NXN: variants seen among roughly 807,000 people sequenced by gnomAD.
NXN encodes the protein nucleoredoxin 1.
NXN carries 16 observed loss-of-function variants against 48.6 expected under a neutral mutation model. That is an observed-to-expected ratio of 0.33 (90% confidence interval 0.22 to 0.50). The LOEUF (loss-of-function observed/expected upper bound fraction) is 0.50, where lower values mean the gene tolerates loss of function less well. Ranked by LOEUF, NXN falls within the 20% of genes least tolerant of loss-of-function variation. NXN has a pLI of 0.98. For missense variants in NXN, 492 were observed against 605.5 expected, an observed-to-expected ratio of 0.81 and a Z score of 1.97; for synonymous variants, 281 against 269.6, an observed-to-expected ratio of 1.04 and a Z score of -0.41.
At chr17:890,863 A>G (rs2068409087) in intron 1 of NXN, among the ~76,000 whole-genome samples, 1 of 151,454 alleles carries the variant, frequency 6.6e-6, no homozygotes, top group Admixed American at 6.6e-5. Context: ...TATCAGGGGG[A>G]TAGAATTCTT....
chr17:838,123 C>CTTATTTTTTTTTTTTTTTTTTTTT (rs1196301886), intron 1 of NXN, among the ~76,000 whole-genome samples: 2 of 125,932 alleles, frequency 1.6e-5, no homozygotes. Flanking sequence ...TTTTCCTTTC[C>CTTATTTTTTTTTTTTTTTTTTTTT]TTCTTTTTTT....
intron 1 of NXN, among the ~76,000 whole-genome samples, chr17:872,613 CTTTTTTTTTTTTT>C (rs34081114): frequency 1.3e-5 from 1 of 75,418 alleles, no homozygotes; most frequent in Non-Finnish European, 2.4e-5. Flanking sequence ...CGGGTGAGAT[CTTTTTTTTTTTTT>C]TTTTTTTTTT....
chr17:907,405 T>G (rs1163925644), intron 1 of NXN, among the ~76,000 whole-genome samples: 1 of 151,698 alleles, frequency 6.6e-6, no homozygotes, highest in Non-Finnish European at 1.5e-5. Flanking sequence ...ACTGGAGTGA[T>G]CTCAGCTCAC....
chr17:811,895 C>G (rs367625115), intron 5 of NXN, among the ~76,000 whole-genome samples: 1 of 150,158 alleles, frequency 6.7e-6, no homozygotes, highest in Non-Finnish European at 1.5e-5. Context: ...TATAGGACTC[C>G]GGGTTGTGCG....
At chr17:945,229 C>T (rs973548488) in intron 1 of NXN, among the ~76,000 whole-genome samples, 2 of 151,620 alleles carry the variant, frequency 1.3e-5, no homozygotes, top group Non-Finnish European at 2.9e-5. Context: ...CTACAGGCGC[C>T]CGCCACCACG....
chr17:812,430 G>A (rs145593442), intron 5 of NXN, among the ~76,000 whole-genome samples: 20 of 152,316 alleles, frequency 1.3e-4, no homozygotes, highest in African/African-American at 4.6e-4. Flanking sequence ...CAGCGGGAGA[G>A]AAACAAGTGA....
chr17:911,807 T>C (rs1358720604), intron 1 of NXN, among the ~76,000 whole-genome samples: 1 of 151,714 alleles, frequency 6.6e-6, no homozygotes, highest in African/African-American at 2.4e-5. Context: ...GTTTCATAGT[T>C]TTCTCCAACT....
chr17:884,071 G>A (rs1597692556), intron 1 of NXN, among the ~76,000 whole-genome samples: 1 of 151,794 alleles, frequency 6.6e-6, no homozygotes, highest in East Asian at 1.9e-4. Context: ...AATACAAAAA[G>A]TTAGCCGGGC....
At chr17:951,175 T>TAAAAAA in intron 1 of NXN, among the ~76,000 whole-genome samples, 1 of 56,718 alleles carries the variant, frequency 1.8e-5, no homozygotes, top group Non-Finnish European at 3.7e-5. Flanking sequence ...TGTCTCTACT[T>TAAAAAA]AAAAAAAAAA....
intron 5 of NXN, among the ~76,000 whole-genome samples, chr17:809,537 G>A (rs1220109993): frequency 3.3e-5 from 5 of 152,092 alleles, no homozygotes; most frequent in Non-Finnish European, 7.4e-5. Context: ...AGAGAGGAGC[G>A]GGCAGGGCTG....
chr17:914,119 C>T (rs995741941), intron 1 of NXN, among the ~76,000 whole-genome samples: 6 of 152,028 alleles, frequency 3.9e-5, no homozygotes, highest in African/African-American at 9.7e-5. Context: ...AGGCTGCTCT[C>T]GAACTCCCAA....
chr17:947,634 G>A (rs1188756459), intron 1 of NXN, among the ~76,000 whole-genome samples: 1 of 151,530 alleles, frequency 6.6e-6, no homozygotes, highest in East Asian at 1.9e-4. Flanking sequence ...TCGGGAGGCT[G>A]AGGCAGGGGA....
chr17:934,557 T>A (rs6598837), intron 1 of NXN, among the ~76,000 whole-genome samples: 87,635 of 151,644 alleles, frequency 0.58, 26,956 homozygotes, highest in East Asian at 0.71. Context: ...AGTCAAGAAA[T>A]TCCCAAGTCT....
At chr17:871,566 A>G (rs1200302799) in intron 1 of NXN, among the ~76,000 whole-genome samples, 1 of 151,302 alleles carries the variant, frequency 6.6e-6, no homozygotes, top group African/African-American at 2.4e-5. Context: ...CACCATGCCC[A>G]GCTAATTTTT....
chr17:859,124 G>A (rs1475309089), intron 1 of NXN, among the ~76,000 whole-genome samples: 1 of 152,194 alleles, frequency 6.6e-6, no homozygotes, highest in East Asian at 1.9e-4. Context: ...AAGAAACGGA[G>A]CAAGCTATTC....
intron 1 of NXN, among the ~76,000 whole-genome samples, chr17:952,989 GA>G (rs1196193463): frequency 6.6e-6 from 1 of 152,116 alleles, no homozygotes. Context: ...GGTGGTCCTA[GA>G]GGGGTCCTAG....
chr17:968,447 C>A (rs2069332774), intron 1 of NXN, among the ~76,000 whole-genome samples: 1 of 152,162 alleles, frequency 6.6e-6, no homozygotes, highest in Admixed American at 6.6e-5. Context: ...GTGGTGCACA[C>A]CTGCATTCCC....
chr17:978,762 G>C lies in NXN; in HGVS notation c.360+557C>G, dbSNP rs939751653. On this transcript the variant is annotated intron_variant, in intron 1 of 7. Coordinates refer to ENST00000336868, the MANE Select transcript of NXN (RefSeq NM_022463.5). This position sits in a 1 kb window ranked among gnomAD's most constrained non-coding sequence, Gnocchi z 4.1. The stretch of plus-strand genomic sequence containing the variant: ...CAGGTCCCCGGTCCCCGGGGAAGGG[G>C]CTCCGGGAAGGCAGGTTTCTCCCGG... The C allele has an allele frequency of 1.3e-5, 2 of 152,356 alleles. No homozygotes were observed. The highest frequency in any genetic ancestry group is 4.8e-5 in the African/African-American group (2 of 41,470). 9.4% of individuals were successfully genotyped at this position (152,356 alleles called of 1,614,324 possible).
At chr17:945,117 T>C (rs1311307581) in intron 1 of NXN, among the ~76,000 whole-genome samples, 1 of 152,140 alleles carries the variant, frequency 6.6e-6, no homozygotes, top group Admixed American at 6.5e-5. Context: ...AGTCTCGCTC[T>C]GTGGCCCAGG....
Sources: allele counts gnomAD v4.1 joint callset (sites outside exome capture counted in the v4.1 genomes callset), GRCh38; gene constraint gnomAD v4.1.1; non-coding constraint Gnocchi (gnomAD v3.1); transcripts MANE v1.5; gene names NCBI Gene and HGNC (gene_info 2026-07-23, HGNC 2026-07-21).